Variants in LRRC2 observed in about 807,000 individuals in gnomAD.
LRRC2 encodes the protein leucine-rich repeat-containing protein 2.
LRRC2 carries 27 observed loss-of-function variants against 40.2 expected under a neutral mutation model. The observed-to-expected ratio is 0.67, with a 90% CI of 0.49 to 0.93. The LOEUF is 0.93. Among genes scored for constraint, LRRC2 ranks in the 40% least tolerant of loss-of-function variants. LRRC2 has a pLI of 0.00. For synonymous variants in LRRC2, 147 were observed against 158.9 expected (o/e 0.92, Z 0.56); for missense variants, 402 against 439.6 (o/e 0.91, Z 0.76).
At chr3:46,551,687 T>C in intron 1 of LRRC2, 77 bp from the exon 2 acceptor site, 3 of 1,054,350 alleles carry the variant, frequency 2.8e-6, no homozygotes, top group Non-Finnish European at 1.3e-6. Flanking sequence ...TAAAATGAAA[T>C]ATGAATGAAT....
Position 46,545,171 on chromosome 3 carries a change from C to A in LRRC2, c.208G>T (p.Asp70Tyr). The part of the protein sequence containing the change: ...QAVYCKNGFI[D>Y]TSVRLLDKIE... Reference sequence around the variant, plus strand: ...TTGTCCAGAAGCCGCACGCTGGTGTCTATGAAGCCATTCTTGCAGTATACA... The same window carrying A: ...TTGTCCAGAAGCCGCACGCTGGTGTATATGAAGCCATTCTTGCAGTATACA... The change falls in exon 3 of 9, where the codon GAC (aspartate) becomes TAC (tyrosine). Residue 70 changes from aspartate (D) to tyrosine (Y), a missense_variant. Coordinates refer to ENST00000395905, the MANE Select transcript of LRRC2 (RefSeq NM_024512.5). The A allele has an allele frequency of 6.2e-7, 1 of 1,614,200 alleles. No homozygotes were observed. Among genetic ancestry groups the A allele is most frequent in the Non-Finnish European group, 8.5e-7 (1 of 1,180,024 alleles).
intron 2 of LRRC2, among the ~76,000 whole-genome samples, chr3:46,545,926 G>A (rs1704515928): frequency 6.6e-6 from 1 of 152,004 alleles, no homozygotes; most frequent in Admixed American, 6.6e-5. Context: ...TTAGGAATTT[G>A]TTTTCTGTTT....
intron 4 of LRRC2, 88 bp from the exon 5 acceptor site, chr3:46,532,997 G>A (rs2106998483): frequency 7.6e-7 from 1 of 1,321,858 alleles, no homozygotes; most frequent in Admixed American, 2.1e-5. Flanking sequence ...AAACAGCTCT[G>A]TAAATAATGA....
chr3:46,551,354 A>T, intron 2 of LRRC2, 113 bp downstream of exon 2: 1 of 1,339,860 alleles, frequency 7.5e-7, no homozygotes, highest in Non-Finnish European at 1.0e-6. Context: ...GGAAAATTTT[A>T]CCAACAGTGA....
intron 5 of LRRC2, among the ~76,000 whole-genome samples, chr3:46,531,228 C>T (rs1240872496): frequency 6.6e-6 from 1 of 151,196 alleles, no homozygotes; most frequent in Non-Finnish European, 1.5e-5. Context: ...TCAGCCTCCA[C>T]CTCCCATGTT....
At chr3:46,555,759 A>G (rs1387333826) in intron 1 of LRRC2, among the ~76,000 whole-genome samples, 2 of 152,194 alleles carry the variant, frequency 1.3e-5, no homozygotes, top group African/African-American at 4.8e-5. Flanking sequence ...AAACTGGTCC[A>G]TTATATTTAT....
At chr3:46,520,999 T>C (rs1266645604) in intron 8 of LRRC2, among the ~76,000 whole-genome samples, 2 of 152,190 alleles carry the variant, frequency 1.3e-5, no homozygotes, top group Admixed American at 1.3e-4. Context: ...CACCCTTTCC[T>C]GAGGTACTTG....
intron 7 of LRRC2, among the ~76,000 whole-genome samples, chr3:46,522,389 A>AAATC (rs1703979244): frequency 6.9e-6 from 1 of 144,380 alleles, no homozygotes. Context: ...ATAAATAAAT[A>AAATC]AATAAATAAA....
At chr3:46,530,635 C>T (rs1389007281) in intron 5 of LRRC2, among the ~76,000 whole-genome samples, 6 of 152,162 alleles carry the variant, frequency 3.9e-5, no homozygotes, top group Non-Finnish European at 7.3e-5. Flanking sequence ...GGAGGAATCA[C>T]AATCATGGTG....
At chr3:46,535,312 C>T (rs116558695) in intron 4 of LRRC2, among the ~76,000 whole-genome samples, 98 of 152,296 alleles carry the variant, frequency 6.4e-4, no homozygotes, top group African/African-American at 2.2e-3. Flanking sequence ...ATATATGTCT[C>T]AGCCATGTGA....
At chr3:46,521,703 T>C in intron 7 of LRRC2, 45 bp from the exon 8 acceptor site, 2 of 1,550,326 alleles carry the variant, frequency 1.3e-6, no homozygotes, top group Non-Finnish European at 1.7e-6. Flanking sequence ...ACCTGTGCGT[T>C]TTAAACTGCA....
In LRRC2 at chr3:46,551,484, C is replaced by G; in HGVS notation, c.108G>C (p.Glu36Asp). ...ACACGTACTTCTCCAAGGCGCTCTTCTCAAGCCTTTCCACCTCCTTCTTCT... is the reference window on the plus strand; with the variant it reads ...ACACGTACTTCTCCAAGGCGCTCTTGTCAAGCCTTTCCACCTCCTTCTTCT... The part of the protein sequence containing the change: ...AWQKKEVERL[E>D]KSALEKIKEE... Residue 36 changes from glutamate (E) to aspartate (D), a missense_variant, in exon 2 of 9, where the codon GAG (glutamate) becomes GAC (aspartate). Physicochemically the swap from Glu to Asp is conservative, Grantham distance 45. Coordinates refer to ENST00000395905, the MANE Select transcript of LRRC2 (RefSeq NM_024512.5). The G allele has an allele frequency of 6.2e-7, 1 of 1,613,876 alleles. No individual in the cohort carries two copies. Among genetic ancestry groups the G allele is most frequent in the Non-Finnish European group, 8.5e-7 (1 of 1,179,900 alleles).
At chr3:46,538,676 T>C (rs1704317175) in intron 4 of LRRC2, among the ~76,000 whole-genome samples, 1 of 152,206 alleles carries the variant, frequency 6.6e-6, no homozygotes, top group African/African-American at 2.4e-5. Context: ...AAACTAGATT[T>C]ATCAATGGAC....
chr3:46,555,333 G>C (rs1472719741), intron 1 of LRRC2, among the ~76,000 whole-genome samples: 1 of 152,142 alleles, frequency 6.6e-6, no homozygotes, highest in Admixed American at 6.5e-5. Context: ...ATTGATGTAT[G>C]TATGCCATTT....
chr3:46,533,084 G>A (rs1704190559), intron 4 of LRRC2, among the ~76,000 whole-genome samples, 175 bp from the exon 5 acceptor site: 1 of 152,172 alleles, frequency 6.6e-6, no homozygotes, highest in Non-Finnish European at 1.5e-5. Context: ...GTAGCATCAT[G>A]ACCCCGAGGT....
Position 46,521,533 on chromosome 3 carries a change from A to G in LRRC2, c.1055T>C (p.Leu352Pro). The G allele has an allele frequency of 6.2e-7, 1 of 1,606,100 alleles. No individual in the cohort carries two copies. The highest frequency in any genetic ancestry group is 8.5e-7 in the Non-Finnish European group (1 of 1,176,222). ...KEVMKAYIED[L>P]KERESVPSYT... Reference sequence around the variant, plus strand: ...TATGAGTAACCCACCTCTTTCTTTAAGGTCTTCAATATAGGCTTTCATAAC... The same window carrying G: ...TATGAGTAACCCACCTCTTTCTTTAGGGTCTTCAATATAGGCTTTCATAAC... The change falls in exon 8 of 9, where the codon CTT becomes CCT. Residue 352 changes from leucine to proline, a missense_variant. Physicochemically the swap from Leu to Pro is moderately conservative, Grantham distance 98. Transcript: ENST00000395905.
intron 7 of LRRC2, among the ~76,000 whole-genome samples, chr3:46,524,965 A>G (rs1325032978): frequency 6.6e-6 from 1 of 152,062 alleles, no homozygotes. Context: ...TTCCTATATC[A>G]TGTATTAGCA....
At chr3:46,530,751 T>C (rs1180818070) in intron 5 of LRRC2, among the ~76,000 whole-genome samples, 1 of 152,160 alleles carries the variant, frequency 6.6e-6, no homozygotes, top group East Asian at 1.9e-4. Context: ...ATGAGATTTA[T>C]TCTCACGAGA....
chr3:46,520,930 G>A lies in LRRC2; in HGVS notation c.1066+592C>T, dbSNP rs377648557. Among the ~76,000 whole-genome samples the A allele has an allele frequency of 5.1e-4, 77 of 152,288 alleles. 1 individual carries two copies. The highest frequency in any genetic ancestry group is 1.1e-3 in the African/African-American group (44 of 41,552). On this transcript the variant is annotated intron_variant, in intron 8 of 8. Transcript: ENST00000395905. ...GCTTAAGGCTTCCAGAACACCATTA[G>A]GATCTCTCCACTCCTTTGGAAACAG...
Sources: gnomAD v4.1 joint callset for allele counts (sites outside exome capture counted in the v4.1 genomes callset) on GRCh38, gnomAD v4.1.1 for gene constraint, MANE v1.5 for transcripts, NCBI Gene and HGNC (gene_info 2026-07-23, HGNC 2026-07-21) for gene names.